LRMDA: variants seen among roughly 807,000 people sequenced by gnomAD.
The protein encoded by LRMDA is leucine rich melanocyte differentiation associated.
LRMDA carries 18 observed loss-of-function variants against 29.8 expected under a neutral mutation model. The observed-to-expected ratio is 0.60, with a 90% confidence interval of 0.42 to 0.90. LRMDA has a LOEUF of 0.90. Among genes scored for constraint, LRMDA ranks in the 40% least tolerant of loss-of-function variants. The pLI, the probability that LRMDA is intolerant of heterozygous loss-of-function variation, is 0.00. For synonymous variants in LRMDA, 125 were observed against 109.4 expected (o/e 1.14, Z -0.89); for missense variants, 273 against 273.9 (o/e 1.00, Z 0.02).
intron 2 of LRMDA, among the ~76,000 whole-genome samples, chr10:75,505,585 G>A (rs561527786): frequency 3.7e-4 from 57 of 152,100 alleles, no homozygotes; most frequent in Non-Finnish European, 7.2e-4. Flanking sequence ...TCCCATCTCA[G>A]CTCCCTTGAC....
At chr10:76,040,579 T>C (rs150105342) in intron 3 of LRMDA, among the ~76,000 whole-genome samples, 97 of 151,996 alleles carry the variant, frequency 6.4e-4, no homozygotes, top group Admixed American at 3.9e-3. Flanking sequence ...TTTCTCTCTC[T>C]CTCTCTCTCA....
At chr10:75,448,024 A>G (rs1188194495) in intron 2 of LRMDA, among the ~76,000 whole-genome samples, 4 of 152,180 alleles carry the variant, frequency 2.6e-5, no homozygotes, top group South Asian at 2.1e-4. Flanking sequence ...ATTTCTACCC[A>G]GAGAAAATGA....
chr10:76,353,361 T>TGA (rs1554815253), intron 6 of LRMDA, among the ~76,000 whole-genome samples: 7 of 151,002 alleles, frequency 4.6e-5, no homozygotes, highest in African/African-American at 7.3e-5. Flanking sequence ...TGTGTGTGTG[T>TGA]GAGATAGATT....
intron 2 of LRMDA, among the ~76,000 whole-genome samples, chr10:75,710,530 T>G (rs187311529): frequency 2.5e-4 from 38 of 152,296 alleles, no homozygotes; most frequent in African/African-American, 8.9e-4. Flanking sequence ...TTAATAAAAT[T>G]TTGTTGCTGT....
intron 2 of LRMDA, among the ~76,000 whole-genome samples, chr10:75,769,586 G>A (rs1036216002): frequency 2.0e-5 from 3 of 152,122 alleles, no homozygotes; most frequent in Non-Finnish European, 2.9e-5. Flanking sequence ...TGGTAAAGGT[G>A]TGTTAATTTA....
At chr10:75,703,035 G>A (rs1330377387) in intron 2 of LRMDA, among the ~76,000 whole-genome samples, 2 of 152,188 alleles carry the variant, frequency 1.3e-5, no homozygotes, top group East Asian at 3.8e-4. Flanking sequence ...ACCCTAGTGA[G>A]GGAATAAACA....
At chr10:76,135,562 T>C (rs1281313242) in intron 5 of LRMDA, among the ~76,000 whole-genome samples, 1 of 152,142 alleles carries the variant, frequency 6.6e-6, no homozygotes, top group Non-Finnish European at 1.5e-5. Flanking sequence ...AGAAATGTAT[T>C]GTCTTACATT....
intron 2 of LRMDA, among the ~76,000 whole-genome samples, chr10:75,962,637 G>T (rs902717248): frequency 6.6e-6 from 1 of 152,178 alleles, no homozygotes; most frequent in Admixed American, 6.6e-5. Flanking sequence ...TTTTTTAAAC[G>T]TAAATGATAA....
At chr10:76,256,482 G>A (rs1180649006) in intron 5 of LRMDA, among the ~76,000 whole-genome samples, 6 of 152,160 alleles carry the variant, frequency 3.9e-5, no homozygotes, top group Non-Finnish European at 5.9e-5. Context: ...TCAAGGGCAG[G>A]GGGGAAGACA....
chr10:76,070,779 A>G (rs1337240723), intron 5 of LRMDA, among the ~76,000 whole-genome samples: 1 of 152,214 alleles, frequency 6.6e-6, no homozygotes, highest in Non-Finnish European at 1.5e-5. Flanking sequence ...GAGAGGGGAA[A>G]GAAGGCCTCA....
At chr10:75,904,009 C>T (rs2132368816) in intron 2 of LRMDA, among the ~76,000 whole-genome samples, 1 of 152,292 alleles carries the variant, frequency 6.6e-6, no homozygotes, top group South Asian at 2.1e-4. Context: ...CATAAAACTA[C>T]CCATAGATTC....
chr10:76,363,178 G>GAAAGAAAGAAAGAAAGAAAGA (rs1564520675), intron 6 of LRMDA, among the ~76,000 whole-genome samples: 3 of 12,262 alleles, frequency 2.4e-4, no homozygotes, highest in African/African-American at 9.9e-4. Flanking sequence ...AGAAAGAAAG[G>GAAAGAAAGAAAGAAAGAAAGA]AGGGAGGGAG....
At chr10:75,599,986 C>T (rs994923166) in intron 2 of LRMDA, among the ~76,000 whole-genome samples, 2 of 152,078 alleles carry the variant, frequency 1.3e-5, no homozygotes, top group East Asian at 3.9e-4. Context: ...TTTGTTATAC[C>T]CTGACCTTAC....
chr10:76,127,373 A>G (rs972121417), intron 5 of LRMDA, among the ~76,000 whole-genome samples: 2 of 152,216 alleles, frequency 1.3e-5, no homozygotes, highest in Admixed American at 1.3e-4. Flanking sequence ...CACGCCAGCC[A>G]TCTTCCTGCG....
chr10:76,139,144 C>T, intron 5 of LRMDA, among the ~76,000 whole-genome samples: 1 of 152,150 alleles, frequency 6.6e-6, no homozygotes, highest in Non-Finnish European at 1.5e-5. Context: ...CATTAGACTT[C>T]ACAGCAATTA....
rs987069176 is a variant in LRMDA, at chr10:76,494,542, T to G, written c.602-62667T>G. 1.1e-4 allele frequency among the ~76,000 whole-genome samples: 17 copies of G among 151,808 alleles called. 1 individual carries two copies. Among genetic ancestry groups the G allele is most frequent in the Admixed American group, 2.0e-4 (3 of 15,212 alleles). On this transcript the variant is annotated intron_variant, in intron 6 of 6. Transcript: ENST00000611255. The stretch of plus-strand genomic sequence containing the variant: ...ACTGAGTCTGGCTAAAGTTACATGG[T>G]GTTTGTAGTCTTTCTCAAGGCCAAC...
At chr10:76,059,321 G>T (rs1848667570) in intron 5 of LRMDA, among the ~76,000 whole-genome samples, 3 of 152,230 alleles carry the variant, frequency 2.0e-5, no homozygotes. Flanking sequence ...CTCCAGAGCT[G>T]ATTAGAGTGG....
intron 6 of LRMDA, among the ~76,000 whole-genome samples, chr10:76,468,877 A>G (rs191808999): frequency 1.3e-5 from 2 of 152,270 alleles, no homozygotes; most frequent in Admixed American, 6.5e-5. Context: ...ATGGAGAGGG[A>G]GAAGAGAGAG....
chr10:76,497,989 T>C (rs1287860812), intron 6 of LRMDA, among the ~76,000 whole-genome samples: 1 of 75,956 alleles, frequency 1.3e-5, no homozygotes, highest in Admixed American at 1.2e-4. Context: ...TCAGAACAAA[T>C]TAGTTAAGAA....
Sources: allele counts gnomAD v4.1 joint callset (sites outside exome capture counted in the v4.1 genomes callset), GRCh38; gene constraint gnomAD v4.1.1; transcripts MANE v1.5; gene names NCBI Gene and HGNC (gene_info 2026-07-23, HGNC 2026-07-21).